ACAD10: variants seen among roughly 807,000 people sequenced by gnomAD.
The protein encoded by ACAD10 is ACAD-10.
ACAD10 carries 112 observed loss-of-function variants against 116.8 expected under a neutral mutation model. The ratio of observed to expected loss-of-function variants is 0.96; its 90% confidence interval spans 0.82 to 1.12. ACAD10 has a LOEUF of 1.12. ACAD10 is among the 50% of genes most tolerant of loss of function. ACAD10 has a pLI of 0.00. For missense variants in ACAD10, 1,259 were observed against 1,350.2 expected (o/e 0.93, Z 1.06); for synonymous variants, 486 against 510.6 (o/e 0.95, Z 0.65).
At chr12:111,720,678 A>T (rs1267411579) in intron 7 of ACAD10, among the ~76,000 whole-genome samples, 1 of 151,978 alleles carries the variant, frequency 6.6e-6, no homozygotes, top group East Asian at 1.9e-4. Context: ...ATCTATGTTT[A>T]TATATTCAGC....
intron 8 of ACAD10, among the ~76,000 whole-genome samples, chr12:111,723,647 AC>A (rs1475806635): frequency 1.1e-5 from 1 of 92,356 alleles, no homozygotes; most frequent in East Asian, 3.1e-4. Flanking sequence ...CGGGGGGCTG[AC>A]CCCCCGACCT....
intron 7 of ACAD10, among the ~76,000 whole-genome samples, chr12:111,720,870 G>A (rs1266056058): frequency 2.0e-5 from 3 of 151,698 alleles, no homozygotes; most frequent in African/African-American, 4.8e-5. Context: ...TGCAACCTCC[G>A]CCTCCTGGGT....
At position 111,748,349 on chromosome 12, in the gene ACAD10, T is replaced by C; in HGVS notation, c.2518T>C (p.Phe840Leu). 1 of 1,614,142 alleles carries C rather than the reference T, an allele frequency of 6.2e-7. No individual in the cohort carries two copies. The highest frequency in any genetic ancestry group is 8.5e-7 in the Non-Finnish European group (1 of 1,180,028). Residue 840 changes from phenylalanine (F) to leucine (L), a missense_variant, in exon 17 of 21, where the codon TTT becomes CTT. Physicochemically the swap from Phe to Leu is conservative, Grantham distance 22. Coordinates refer to ENST00000313698, the MANE Select transcript of ACAD10 (RefSeq NM_025247.6). Reference protein sequence around the residue: ...ILDPRCQLCVFMGKTDPHAPR... With the variant: ...ILDPRCQLCVLMGKTDPHAPR... ...GGATCCTCGTTGCCAACTCTGTGTG[T>C]TTATGGGAAAAACAGACCCACATGC...
Position 111,692,692 on chromosome 12 carries a change from C to T in ACAD10, c.-13-5C>T. The T allele has an allele frequency of 6.2e-7, 1 of 1,609,210 alleles. No individual in the cohort carries two copies. The highest frequency in any genetic ancestry group is 8.5e-7 in the Non-Finnish European group (1 of 1,177,822). ...AGTAACGCCCTGTGCCTTCTTCCCA[C>T]ACAGCCTCAGCCTCACCATGTGTGT... On this transcript the variant is annotated splice_polypyrimidine_tract_variant and splice_region_variant and intron_variant, in intron 1 of 20. Transcript: ENST00000313698.
intron 1 of ACAD10, 196 bp downstream of exon 1, chr12:111,686,435 C>G (rs1345427819): frequency 6.6e-6 from 1 of 152,636 alleles, no homozygotes; most frequent in African/African-American, 2.4e-5. Context: ...AGATAGCGAT[C>G]TGGCTGGGCG....
At chr12:111,695,236 A>G (rs998329120) in intron 2 of ACAD10, among the ~76,000 whole-genome samples, 3 of 152,170 alleles carry the variant, frequency 2.0e-5, no homozygotes, top group African/African-American at 7.2e-5. Context: ...GTGCCTTTGC[A>G]AGCTGTGTTT....
At position 111,705,808 on chromosome 12, in the gene ACAD10, C is replaced by T. The variant is rs377070570; in HGVS notation, c.407C>T (p.Pro136Leu). The T allele has an allele frequency of 6.2e-7, 1 of 1,613,994 alleles. No homozygotes were observed. The highest frequency in any genetic ancestry group is 1.3e-5 in the African/African-American group (1 of 74,896). The change falls in exon 4 of 21, where the codon CCA (proline) becomes CTA (leucine). Residue 136 changes from proline (P) to leucine (L), a missense_variant. Transcript: ENST00000313698. ...LTSERVAKQF[P>L]VMTEAITQIR... ...AGTGAGCGAGTGGCAAAGCAGTTCC[C>T]AGTGATGACTGAGGCCATAACTCAA... is the stretch of plus-strand genomic sequence containing the variant.
intron 8 of ACAD10, among the ~76,000 whole-genome samples, chr12:111,726,406 C>A (rs548070478): frequency 1.5e-4 from 23 of 152,258 alleles, no homozygotes; most frequent in African/African-American, 5.5e-4. Context: ...ACCTCAATAA[C>A]AAGAAGGGAT....
At chr12:111,727,538 T>A (rs1016156718) in intron 8 of ACAD10, among the ~76,000 whole-genome samples, 10 of 152,166 alleles carry the variant, frequency 6.6e-5, no homozygotes, top group African/African-American at 1.7e-4. Flanking sequence ...AATTAAAAAA[T>A]AAATAAATAA....
rs558760336 is a variant in ACAD10, at chr12:111,756,854, G to A, written c.*381G>A. The A allele has an allele frequency of 1.5e-5, 7 of 463,796 alleles. No individual in the cohort carries two copies. Among genetic ancestry groups the A allele is most frequent in the African/African-American group, 7.9e-5 (4 of 50,524 alleles). The allele number at this position is 463,796 out of a possible 1,614,324, so 28.7% of individuals were successfully genotyped here. ...GGGAGGCCTCCCAAGGCTGTGGGAC[G>A]TGCTTGCTCTGGCAGCTGCAGGGTT... is the stretch of plus-strand genomic sequence containing the variant. On this transcript the variant is annotated 3_prime_UTR_variant, in exon 21 of 21. Transcript: ENST00000313698.
chr12:111,722,035 CTGTTT>C (rs1052844481), intron 8 of ACAD10: 5 of 220,798 alleles, frequency 2.3e-5, no homozygotes, highest in Non-Finnish European at 4.4e-5. Context: ...TCTTTCTAAA[CTGTTT>C]TGTTTTGTTT....
chr12:111,726,464 A>G lies in ACAD10; in HGVS notation c.1062-1498A>G, dbSNP rs139567758. Among the ~76,000 whole-genome samples, 1,444 of 152,230 alleles carry G rather than the reference A, an allele frequency of 9.5e-3. 11 individuals are homozygous for G. Among genetic ancestry groups the G allele is most frequent in the Non-Finnish European group, 0.016 (1,063 of 68,012 alleles). ...CCAGAGACCATGTCAGGCACTCTGT[A>G]TGTTTGTTCCCTAATTCATTTCTTT... On this transcript the variant is annotated intron_variant, in intron 8 of 20. Coordinates refer to ENST00000313698, the MANE Select transcript of ACAD10 (RefSeq NM_025247.6).
At chr12:111,715,008 G>A (rs1888800791) in intron 6 of ACAD10, among the ~76,000 whole-genome samples, 2 of 152,116 alleles carry the variant, frequency 1.3e-5, no homozygotes, top group Admixed American at 1.3e-4. Flanking sequence ...CTCCGCACCT[G>A]GCCAAAGAAG....
At chr12:111,730,824 T>G (rs1889366701) in intron 10 of ACAD10, among the ~76,000 whole-genome samples, 1 of 151,402 alleles carries the variant, frequency 6.6e-6, no homozygotes, top group Non-Finnish European at 1.5e-5. Flanking sequence ...TGATCTCAGC[T>G]CACTGCCTAC....
chr12:111,747,145 G>T lies in ACAD10; in HGVS notation c.2353G>T (p.Glu785Ter). The change falls in exon 15 of 21, where the codon GAG (glutamate) becomes TAG (stop). Residue 785 changes from glutamate to a stop codon, truncating the protein, a stop_gained. Coordinates refer to ENST00000313698, the MANE Select transcript of ACAD10 (RefSeq NM_025247.6). LOFTEE classifies it high-confidence loss of function. Reference sequence around the variant, plus strand: ...GGCTCGCTGGCTGATTCCTCTGCTGGAGGGGAAAGCCCGCTCCTGTTTTGC... The same window carrying T: ...GGCTCGCTGGCTGATTCCTCTGCTGTAGGGGAAAGCCCGCTCCTGTTTTGC... ...QKARWLIPLL[E>*]GKARSCFAMT... 4 of 1,613,238 alleles carry T rather than the reference G, an allele frequency of 2.5e-6. No homozygotes were observed. The highest frequency in any genetic ancestry group is 3.4e-6 in the Non-Finnish European group (4 of 1,179,372).
rs766854319 is a variant in ACAD10 at position 111,753,846 on chromosome 12, C to T, written c.2892C>T (p.Arg964=). 19 of 1,613,830 alleles carry T rather than the reference C, an allele frequency of 1.2e-5. No individual in the cohort carries two copies. The highest frequency in any genetic ancestry group is 4.5e-5 in the East Asian group (2 of 44,904). ...GTVLADIAQS[R]VEIEQARLLV... ...TGCTGGCGGACATCGCGCAGTCGCG[C>T]GTGGAGATTGAGCAGGCACGGCTGC... The change falls in exon 19 of 21, where the codon CGC becomes CGT. Residue 964 remains arginine, a synonymous_variant. Coordinates refer to ENST00000313698, the MANE Select transcript of ACAD10 (RefSeq NM_025247.6).
chr12:111,722,399 A>ATTTTTTTT, intron 8 of ACAD10, among the ~76,000 whole-genome samples: 1 of 150,538 alleles, frequency 6.6e-6, no homozygotes, highest in South Asian at 2.1e-4. Flanking sequence ...TTATTTATTT[A>ATTTTTTTT]TTTTTTATTG....
At chr12:111,747,210 A>T in intron 15 of ACAD10, 24 bp downstream of exon 15, 1 of 1,607,708 alleles carries the variant, frequency 6.2e-7, no homozygotes, top group African/African-American at 1.3e-5. Context: ...GCTGCCACCC[A>T]CTTGCCTGGC....
chr12:111,727,847 T>C, intron 8 of ACAD10, 115 bp from the exon 9 acceptor site: 1 of 1,074,992 alleles, frequency 9.3e-7, no homozygotes, highest in Non-Finnish European at 1.4e-6. Flanking sequence ...GGGTCTGAAC[T>C]CTTCACCAGC....
Sources: gnomAD v4.1 joint callset for allele counts (sites outside exome capture counted in the v4.1 genomes callset) on GRCh38, gnomAD v4.1.1 for gene constraint, MANE v1.5 for transcripts, NCBI Gene and HGNC (gene_info 2026-07-23, HGNC 2026-07-21) for gene names.